Variants in KIF6 observed in about 807,000 individuals in gnomAD.
KIF6 encodes the protein kinesin-like protein KIF6.
A neutral mutation model predicts 112.7 loss-of-function variants in KIF6; 106 were observed. That is an observed-to-expected ratio of 0.94 (90% CI 0.80 to 1.11). The LOEUF is 1.11. KIF6 is among the 50% of genes least tolerant of loss of function. KIF6 has a pLI of 0.00. For synonymous variants in KIF6, 339 were observed against 339.9 expected (o/e 1.00, Z 0.03); for missense variants, 929 against 964.0 (o/e 0.96, Z 0.48).
intron 15 of KIF6, among the ~76,000 whole-genome samples, chr6:39,391,866 G>A (rs1302653331): frequency 1.3e-5 from 2 of 151,990 alleles, no homozygotes; most frequent in Non-Finnish European, 2.9e-5. Flanking sequence ...CATCAGCCTG[G>A]GCAATGCCTC....
intron 10 of KIF6, among the ~76,000 whole-genome samples, chr6:39,564,243 C>T (rs190963390): frequency 4.5e-4 from 69 of 152,264 alleles, no homozygotes; most frequent in Non-Finnish European, 8.2e-4. Flanking sequence ...ATACAACAGG[C>T]AGTAGCTACC....
chr6:39,337,112 CTTTCTT>C (rs201594127), intron 22 of KIF6, among the ~76,000 whole-genome samples: 2,323 of 102,120 alleles, frequency 0.023, 171 homozygotes, highest in African/African-American at 0.13. Flanking sequence ...TCTTTCTTCT[CTTTCTT>C]TCTTTCTTTC....
At chr6:39,379,358 G>T (rs925521168) in intron 16 of KIF6, among the ~76,000 whole-genome samples, 4 of 152,200 alleles carry the variant, frequency 2.6e-5, no homozygotes, top group Non-Finnish European at 5.9e-5. Flanking sequence ...AAATGTGTGA[G>T]TCTGGAAGTC....
At chr6:39,698,762 T>C (rs1788699002) in intron 3 of KIF6, among the ~76,000 whole-genome samples, 3 of 152,190 alleles carry the variant, frequency 2.0e-5, no homozygotes, top group Admixed American at 2.0e-4. Context: ...TATAACAAAG[T>C]TTTTAGCACT....
At chr6:39,686,329 AC>A (rs1787867496) in intron 3 of KIF6, among the ~76,000 whole-genome samples, 1 of 152,184 alleles carries the variant, frequency 6.6e-6, no homozygotes, top group African/African-American at 2.4e-5. Context: ...ATTTTAACAA[AC>A]CTTTGAAAAT....
chr6:39,385,947 A>G (rs1473507103), intron 15 of KIF6, among the ~76,000 whole-genome samples: 2 of 152,236 alleles, frequency 1.3e-5, no homozygotes, highest in African/African-American at 4.8e-5. Flanking sequence ...CCTGTCACCC[A>G]TAACTTTCAC....
intron 13 of KIF6, among the ~76,000 whole-genome samples, chr6:39,535,795 T>C (rs1184607679): frequency 2.0e-5 from 3 of 152,142 alleles, no homozygotes; most frequent in Non-Finnish European, 2.9e-5. Flanking sequence ...TATTCCAAAA[T>C]TGACCACATA....
At chr6:39,468,649 T>C (rs937592739) in intron 13 of KIF6, among the ~76,000 whole-genome samples, 1 of 152,064 alleles carries the variant, frequency 6.6e-6, no homozygotes, top group Non-Finnish European at 1.5e-5. Flanking sequence ...GTGAAAGACA[T>C]TCTTAGATAA....
chr6:39,388,552 C>A (rs1375730718), intron 15 of KIF6, among the ~76,000 whole-genome samples: 1 of 152,132 alleles, frequency 6.6e-6, no homozygotes, highest in East Asian at 1.9e-4. Flanking sequence ...TTATTTCCCC[C>A]AAACAAGCTT....
chr6:39,551,045 A>G (rs1029554570), intron 10 of KIF6, among the ~76,000 whole-genome samples: 1 of 152,330 alleles, frequency 6.6e-6, no homozygotes, highest in African/African-American at 2.4e-5. Flanking sequence ...ATAGTGCTGC[A>G]ATAAATATGG....
At chr6:39,663,697 A>G (rs952302561) in intron 3 of KIF6, among the ~76,000 whole-genome samples, 1 of 152,186 alleles carries the variant, frequency 6.6e-6, no homozygotes, top group Non-Finnish European at 1.5e-5. Flanking sequence ...CAGGGAGGAA[A>G]GGAATTACAA....
chr6:39,351,543 T>A (rs1764248639), intron 19 of KIF6, among the ~76,000 whole-genome samples: 1 of 151,386 alleles, frequency 6.6e-6, no homozygotes, highest in South Asian at 2.1e-4. Flanking sequence ...CATGAACCAC[T>A]GTCCCTGGGC....
chr6:39,582,197 G>A (rs749093428), intron 9 of KIF6, among the ~76,000 whole-genome samples: 1 of 152,002 alleles, frequency 6.6e-6, no homozygotes, highest in Non-Finnish European at 1.5e-5. Context: ...CTGTCTTATT[G>A]AATAAAAATC....
chr6:39,470,231 T>C (rs1404625958), intron 13 of KIF6, among the ~76,000 whole-genome samples: 1 of 151,852 alleles, frequency 6.6e-6, no homozygotes, highest in African/African-American at 2.4e-5. Flanking sequence ...TAGGGAACTT[T>C]GGGATTTAAA....
At chr6:39,701,733 G>T (rs547953886) in intron 3 of KIF6, among the ~76,000 whole-genome samples, 1 of 152,220 alleles carries the variant, frequency 6.6e-6, no homozygotes, top group Admixed American at 6.5e-5. Context: ...CCACTGAAGG[G>T]TTCTGAGCAG....
At chr6:39,711,453 C>T (rs1789555277) in intron 3 of KIF6, among the ~76,000 whole-genome samples, 1 of 152,044 alleles carries the variant, frequency 6.6e-6, no homozygotes, top group South Asian at 2.1e-4. Flanking sequence ...GTATAGCAGC[C>T]TCAACCTGCT....
At chr6:39,478,135 C>A (rs930027381) in intron 13 of KIF6, among the ~76,000 whole-genome samples, 10 of 152,116 alleles carry the variant, frequency 6.6e-5, no homozygotes, top group African/African-American at 2.4e-4. Flanking sequence ...GATTTTGGCA[C>A]ACCCATCACC....
chr6:39,430,970 T>C, intron 14 of KIF6, 83 bp downstream of exon 14: 1 of 693,242 alleles, frequency 1.4e-6, no homozygotes, highest in Non-Finnish European at 2.5e-6. Flanking sequence ...TTGGGCAGAT[T>C]AGGAAGGACA....
intron 13 of KIF6, among the ~76,000 whole-genome samples, chr6:39,523,527 C>A (rs1777514134): frequency 6.6e-6 from 1 of 151,086 alleles, no homozygotes; most frequent in Admixed American, 6.6e-5. Flanking sequence ...TCCAACCCAA[C>A]CAAATGCTTT....
Sources: gnomAD v4.1 joint callset for allele counts (sites outside exome capture counted in the v4.1 genomes callset) on GRCh38, gnomAD v4.1.1 for gene constraint, MANE v1.5 for transcripts, NCBI Gene and HGNC (gene_info 2026-07-23, HGNC 2026-07-21) for gene names.